Variants in SYNJ2 observed in about 807,000 individuals in gnomAD.
SYNJ2 encodes synaptojanin 2, also known as polyphosphatidylinositol phosphatase SYNJ2.
SYNJ2 carries 116 observed loss-of-function variants against 141.3 expected under a neutral mutation model. The observed-to-expected ratio is 0.82, with a 90% confidence interval of 0.71 to 0.96. The LOEUF (loss-of-function observed/expected upper bound fraction) is 0.96. SYNJ2 is among the 40% of genes least tolerant of loss of function. The probability of loss-of-function intolerance (pLI) is 0.00; values close to 1 mark genes in which losing one functional copy is unlikely to be tolerated. For synonymous variants in SYNJ2, 745 were observed against 777.7 expected (o/e 0.96, Z 0.70); for missense variants, 1,873 against 1,934.8 (o/e 0.97, Z 0.60).
intron 8 of SYNJ2, 32 bp downstream of exon 8, chr6:158,062,196 C>T (rs753511427): frequency 2.5e-6 from 4 of 1,599,266 alleles, no homozygotes; most frequent in Middle Eastern, 2.0e-4. Flanking sequence ...GCCGCGTCTT[C>T]TGCTGGGGGG....
At chr6:158,091,051 C>T (rs1344989824) in intron 25 of SYNJ2, among the ~76,000 whole-genome samples, 5 of 152,106 alleles carry the variant, frequency 3.3e-5, no homozygotes, top group Non-Finnish European at 7.4e-5. Context: ...GGCGCGGTGG[C>T]TCACGCCTGT....
rs1014967496 is a variant in SYNJ2 at position 158,070,644 on chromosome 6, G to A, written c.1941-958G>A. The stretch of plus-strand genomic sequence containing the variant: ...GTGCCTTTAGCCCTGAGCTGCTTCC[G>A]CCTACACCCCTTCCATCAGTCATCC... On this transcript the variant is annotated intron_variant, in intron 14 of 26. Coordinates refer to ENST00000355585, the MANE Select transcript of SYNJ2 (RefSeq NM_003898.4). The surrounding 1 kb of genome is among the most constrained non-coding windows in gnomAD (Gnocchi z 4.0). The A allele has an allele frequency of 6.1e-6, 2 of 325,576 alleles. No individual in the cohort carries two copies. The highest frequency in any genetic ancestry group is 6.5e-5 in the Admixed American group (1 of 15,428). 20.2% of individuals were successfully genotyped at this position (325,576 alleles called of 1,614,324 possible).
At position 158,081,605 on chromosome 6, in the gene SYNJ2, CTTTTTTTTTTTTTTTTT is replaced by C; in HGVS notation, c.2865+109_2865+125del. 2.9e-5 allele frequency: 6 copies of C among 209,280 alleles called. No individual in the cohort carries two copies. In the East Asian group the frequency reaches 5.4e-4, roughly 19 times the overall value. The allele number at this position is 209,280 out of a possible 1,614,324, so 13.0% of individuals were successfully genotyped here. A position where few individuals can be genotyped will look rare whatever the true frequency, so the allele number is the denominator to read the frequency against. On this transcript the variant is annotated intron_variant, in intron 20 of 26. Transcript: ENST00000355585. ...TTCCTCCTCTTGCCCTGACCTGTGCCTTTTTTTTTTTTTTTTTTTTTTTTTTTTTTCTCTGAGACAAA... is the reference window on the plus strand; with the variant it reads ...TTCCTCCTCTTGCCCTGACCTGTGCCTTTTTTTTTTTTTCTCTGAGACAAA...
intron 2 of SYNJ2, among the ~76,000 whole-genome samples, chr6:158,020,527 C>A (rs1275651430): frequency 1.3e-5 from 2 of 151,626 alleles, no homozygotes; most frequent in African/African-American, 4.9e-5. Context: ...CAACTGTGTA[C>A]TGACTCTGTG....
intron 4 of SYNJ2, among the ~76,000 whole-genome samples, chr6:158,038,569 C>T (rs1779763132): frequency 6.6e-6 from 1 of 152,248 alleles, no homozygotes. Flanking sequence ...AGACCCCGGA[C>T]AGCCTGGCTA....
At chr6:158,022,035 T>C (rs6941529) in intron 2 of SYNJ2, among the ~76,000 whole-genome samples, 75,169 of 152,052 alleles carry the variant, frequency 0.49, 20,324 homozygotes, top group African/African-American at 0.72. Flanking sequence ...ACCTCCCTCA[T>C]GTTCTGCAGA....
At chr6:158,090,662 A>G (rs2128399665) in intron 25 of SYNJ2, among the ~76,000 whole-genome samples, 1 of 149,576 alleles carries the variant, frequency 6.7e-6, no homozygotes, top group South Asian at 2.1e-4. Flanking sequence ...ATCCTGCCTC[A>G]GCCACCTGAG....
chr6:158,067,236 C>G (rs1781624975), intron 12 of SYNJ2, among the ~76,000 whole-genome samples: 2 of 152,196 alleles, frequency 1.3e-5, no homozygotes, highest in African/African-American at 4.8e-5. Context: ...CCAGGCTGGT[C>G]TCGAACTCCT....
upstream of SYNJ2, among the ~76,000 whole-genome samples, chr6:157,981,569 G>A (rs1264979821): frequency 1.3e-5 from 2 of 152,150 alleles, no homozygotes; most frequent in African/African-American, 2.4e-5. This position sits in a 1 kb window ranked among gnomAD's most constrained non-coding sequence, Gnocchi z 6.4. Flanking sequence ...TAAGGCTGCG[G>A]GCGGCCGGCA....
intron 1 of SYNJ2, among the ~76,000 whole-genome samples, chr6:157,992,671 TACAGGTGTGA>T (rs1777494966): frequency 1.3e-5 from 2 of 152,322 alleles, no homozygotes; most frequent in Admixed American, 1.3e-4. Flanking sequence ...GTGCTGGGAT[TACAGGTGTGA>T]GCAGGTGTGA....
chr6:158,062,064 G>C lies in SYNJ2; in HGVS notation c.1027G>C (p.Gly343Arg), dbSNP rs1264209302. ...TTTTGACTTCCATCAGTTTGCCAAAGGTGGGAAGCTAGAGAAATTGGAGAC... is the reference window on the plus strand; with the variant it reads ...TTTTGACTTCCATCAGTTTGCCAAACGTGGGAAGCTAGAGAAATTGGAGAC... ...INFDFHQFAK[G>R]GKLEKLETLL... Residue 343 changes from glycine to arginine, a missense_variant, in exon 8 of 27, where the codon GGT becomes CGT. By Grantham distance (125) the Gly-to-Arg change is moderately radical. Transcript: ENST00000355585. The C allele has an allele frequency of 6.2e-7, 1 of 1,614,188 alleles. No homozygotes were observed. Among genetic ancestry groups the C allele is most frequent in the Admixed American group, 1.7e-5 (1 of 60,020 alleles).
chr6:158,017,390 T>C (rs1778514556), intron 2 of SYNJ2, 100 bp downstream of exon 2: 11 of 947,036 alleles, frequency 1.2e-5, no homozygotes, highest in Non-Finnish European at 1.6e-5. Context: ...GTTTGACCGC[T>C]CTTCTCTCTC....
At chr6:158,032,855 G>A (rs1394037648) in intron 3 of SYNJ2, among the ~76,000 whole-genome samples, 1 of 152,230 alleles carries the variant, frequency 6.6e-6, no homozygotes, top group Admixed American at 6.5e-5. Context: ...ACTAGGCATG[G>A]AGAGGGAATA....
chr6:158,025,278 C>T (rs1287766691), intron 2 of SYNJ2, among the ~76,000 whole-genome samples: 2 of 152,200 alleles, frequency 1.3e-5, no homozygotes, highest in Non-Finnish European at 2.9e-5. Flanking sequence ...CAAATACCCC[C>T]ACCACCTCAA....
In SYNJ2 at chr6:158,027,126, C is replaced by A; in HGVS notation, c.215-1630C>A. 1.0e-6 allele frequency: 1 copy of A among 985,396 alleles called. No homozygotes were observed. Among genetic ancestry groups the A allele is most frequent in the Non-Finnish European group, 1.2e-6 (1 of 829,932 alleles). The allele number at this position is 985,396 out of a possible 1,614,324, so 61.0% of individuals were successfully genotyped here. On this transcript the variant is annotated intron_variant, in intron 2 of 26. Transcript: ENST00000355585. This position sits in a 1 kb window ranked among gnomAD's most constrained non-coding sequence, Gnocchi z 4.6. ...ACGCACTTTAATGACAGCCACACGCCACCCTGCCACAAGCAGCGCTCTTCT... is the reference window on the plus strand; with the variant it reads ...ACGCACTTTAATGACAGCCACACGCAACCCTGCCACAAGCAGCGCTCTTCT...
At chr6:158,066,801 C>G (rs1398196572) in intron 12 of SYNJ2, 166 bp downstream of exon 12, 2 of 757,984 alleles carry the variant, frequency 2.6e-6, no homozygotes, top group African/African-American at 3.5e-5. Context: ...TGCTGCCTCG[C>G]AAGTAACTGA....
chr6:158,089,829 T>A lies in SYNJ2; in HGVS notation c.3457-10T>A. On this transcript the variant is annotated splice_polypyrimidine_tract_variant and intron_variant, in intron 24 of 26. Transcript: ENST00000355585. ...GCTGATACTCTGCTCTTCCTCATTC[T>A]GTCCTCAAGCCCAAGGCTCGGACTG... The A allele has an allele frequency of 6.2e-7, 1 of 1,608,022 alleles. No individual in the cohort carries two copies. The highest frequency in any genetic ancestry group is 1.1e-5 in the South Asian group (1 of 90,686).
At chr6:158,005,239 G>A (rs1464417129) in intron 1 of SYNJ2, among the ~76,000 whole-genome samples, 15 of 151,966 alleles carry the variant, frequency 9.9e-5, no homozygotes, top group African/African-American at 1.7e-4. Flanking sequence ...AACGACGCCC[G>A]GCTAATTTTT....
chr6:158,029,125 C>T, intron 3 of SYNJ2, 99 bp downstream of exon 3: 3 of 1,343,000 alleles, frequency 2.2e-6, no homozygotes, highest in Non-Finnish European at 2.9e-6. Flanking sequence ...TTGCACCACC[C>T]CCGGGTTATG....
Sources: gnomAD v4.1 joint callset for allele counts (sites outside exome capture counted in the v4.1 genomes callset) on GRCh38, gnomAD v4.1.1 for gene constraint, Gnocchi (gnomAD v3.1) non-coding constraint, MANE v1.5 for transcripts, NCBI Gene and HGNC (gene_info 2026-07-23, HGNC 2026-07-21) for gene names.